The following HYCC1 variants were observed in gnomAD, a reference collection of about 807,000 sequenced individuals.
HYCC1 encodes the protein hyccin.
the HYCC1 span, among the ~76,000 whole-genome samples, chr7:22,917,296 T>C: frequency 6.6e-6 from 1 of 152,226 alleles, no homozygotes; most frequent in Non-Finnish European, 1.5e-5. Context: ...TCTGTTGTCA[T>C]TTCATAACCT....
At chr7:22,982,573 A>G in the HYCC1 span, among the ~76,000 whole-genome samples, 1 of 152,146 alleles carries the variant, frequency 6.6e-6, no homozygotes, top group Admixed American at 6.5e-5. Context: ...CATGCCATCA[A>G]TCAAACTCAA....
chr7:22,917,826 A>G, the HYCC1 span, among the ~76,000 whole-genome samples: 1 of 152,204 alleles, frequency 6.6e-6, no homozygotes, highest in Non-Finnish European at 1.5e-5. Flanking sequence ...GTACAATCCA[A>G]TACTTTCACC....
chr7:22,908,852 C>T, the HYCC1 span, among the ~76,000 whole-genome samples: 1 of 152,150 alleles, frequency 6.6e-6, no homozygotes, highest in African/African-American at 2.4e-5. Context: ...TGGTACTATG[C>T]AGTATCAGCT....
chr7:22,914,444 C>T, the HYCC1 span, among the ~76,000 whole-genome samples: 1 of 152,330 alleles, frequency 6.6e-6, no homozygotes, highest in East Asian at 1.9e-4. Context: ...ACCTCTTCAA[C>T]TCTCGCCTGA....
chr7:22,967,767 A>G, the HYCC1 span, among the ~76,000 whole-genome samples: 2 of 152,206 alleles, frequency 1.3e-5, no homozygotes, highest in Non-Finnish European at 2.9e-5. Context: ...GAGACCAAAG[A>G]AATAAGAAGA....
the HYCC1 span, among the ~76,000 whole-genome samples, chr7:22,925,844 A>G: frequency 1.3e-5 from 2 of 152,130 alleles, no homozygotes; most frequent in Admixed American, 1.3e-4. Flanking sequence ...CTACAAAGAT[A>G]CTCCTCGAGA....
the HYCC1 span, among the ~76,000 whole-genome samples, chr7:22,930,309 T>C: frequency 7.1e-6 from 1 of 141,684 alleles, no homozygotes; most frequent in South Asian, 2.2e-4. Flanking sequence ...AACCTGCACA[T>C]TGTGCACATG....
chr7:23,013,340 G>A, the HYCC1 span, among the ~76,000 whole-genome samples: 1 of 152,216 alleles, frequency 6.6e-6, no homozygotes, highest in East Asian at 1.9e-4. Context: ...CCGCCCTGCA[G>A]GGGACCAAAG....
chr7:23,003,636 T>C, the HYCC1 span, among the ~76,000 whole-genome samples: 1 of 152,212 alleles, frequency 6.6e-6, no homozygotes, highest in African/African-American at 2.4e-5. Context: ...CTTTTTACAA[T>C]GTTGGGGACA....
chr7:22,980,636 T>C, the HYCC1 span, among the ~76,000 whole-genome samples: 1 of 152,174 alleles, frequency 6.6e-6, no homozygotes, highest in Non-Finnish European at 1.5e-5. Flanking sequence ...AAGGAAAATC[T>C]TGCAAAATTT....
At chr7:23,009,819 G>A in the HYCC1 span, among the ~76,000 whole-genome samples, 2 of 152,118 alleles carry the variant, frequency 1.3e-5, no homozygotes, top group Non-Finnish European at 2.9e-5. Context: ...CAAAGGGCAA[G>A]CAAACAAGAT....
chr7:22,913,452 G>A, the HYCC1 span, among the ~76,000 whole-genome samples: 1 of 152,268 alleles, frequency 6.6e-6, no homozygotes, highest in Non-Finnish European at 1.5e-5. Flanking sequence ...AGTCATACCC[G>A]GCACAGTAGG....
the HYCC1 span, among the ~76,000 whole-genome samples, chr7:22,995,164 A>T: frequency 2.0e-5 from 3 of 152,012 alleles, no homozygotes; most frequent in African/African-American, 7.3e-5. Flanking sequence ...TCTTCTTATT[A>T]CCACTCAAGA....
chr7:22,996,709 C>T, the HYCC1 span, among the ~76,000 whole-genome samples: 41 of 150,738 alleles, frequency 2.7e-4, no homozygotes, highest in African/African-American at 9.3e-4. Flanking sequence ...AAAAAGCAAA[C>T]TGGCCACAAA....
chr7:23,013,669 C>G, the HYCC1 span, among the ~76,000 whole-genome samples: 1 of 127,856 alleles, frequency 7.8e-6, no homozygotes, highest in Non-Finnish European at 1.7e-5. Flanking sequence ...AGCGGGCAGG[C>G]TGCGCCCAAC....
chr7:22,968,369 C>A, the HYCC1 span, among the ~76,000 whole-genome samples: 1 of 152,154 alleles, frequency 6.6e-6, no homozygotes, highest in Non-Finnish European at 1.5e-5. Flanking sequence ...TGAGACCATA[C>A]CAACAAGGGC....
chr7:22,972,134 C>T, the HYCC1 span, among the ~76,000 whole-genome samples: 2 of 152,136 alleles, frequency 1.3e-5, no homozygotes, highest in African/African-American at 2.4e-5. Flanking sequence ...TGTGTGCTCA[C>T]TGATGGGGTA....
chr7:22,947,732 T>C, the HYCC1 span, among the ~76,000 whole-genome samples: 1 of 82,292 alleles, frequency 1.2e-5, no homozygotes, highest in Non-Finnish European at 2.8e-5. Context: ...TTTGTACTCT[T>C]AAAATTCTAT....
chr7:22,964,500 C>T, the HYCC1 span: 1 of 1,607,998 alleles, frequency 6.2e-7, no homozygotes, highest in African/African-American at 1.3e-5. Flanking sequence ...TATTTTCTTA[C>T]ATGTTGTCGA....
Sources: gnomAD v4.1 joint callset for allele counts (sites outside exome capture counted in the v4.1 genomes callset) on GRCh38, gnomAD v4.1.1 for gene constraint, MANE v1.5 for transcripts, NCBI Gene and HGNC (gene_info 2026-07-23, HGNC 2026-07-21) for gene names.